The following RSPO1 variants were observed in gnomAD, a reference collection of about 807,000 sequenced individuals.
The protein encoded by RSPO1 is R-spondin-1.
A neutral mutation model predicts 26.0 loss-of-function variants in RSPO1; 18 were observed. The observed-to-expected ratio is 0.69, with a 90% confidence interval of 0.48 to 1.03. RSPO1 has a LOEUF of 1.03. Among genes scored for constraint, RSPO1 ranks in the 50% least tolerant of loss-of-function variants. RSPO1 has a pLI of 0.00. For missense variants in RSPO1, 309 were observed against 352.3 expected, an observed-to-expected ratio of 0.88 and a Z score of 0.98; for synonymous variants, 133 against 137.4, an observed-to-expected ratio of 0.97 and a Z score of 0.22.
At chr1:37,630,273 A>C (rs1644338438) in intron 2 of RSPO1, among the ~76,000 whole-genome samples, 1 of 152,152 alleles carries the variant, frequency 6.6e-6, no homozygotes, top group South Asian at 2.1e-4. Flanking sequence ...TCCTTCCTTA[A>C]GTCTACCCTA....
At chr1:37,628,986 T>C (rs1290043224) in intron 3 of RSPO1, among the ~76,000 whole-genome samples, 8 of 152,246 alleles carry the variant, frequency 5.3e-5, no homozygotes, top group African/African-American at 1.7e-4. Flanking sequence ...CCCTGCCTGC[T>C]TGTCTCCCCT....
chr1:37,628,381 G>C (rs1382242911), intron 3 of RSPO1, among the ~76,000 whole-genome samples: 2 of 152,210 alleles, frequency 1.3e-5, no homozygotes, highest in Non-Finnish European at 2.9e-5. Flanking sequence ...CCAATTCTCT[G>C]AGCTTCTCTC....
At chr1:37,627,814 T>C (rs996931176) in intron 3 of RSPO1, among the ~76,000 whole-genome samples, 2 of 152,182 alleles carry the variant, frequency 1.3e-5, no homozygotes, top group African/African-American at 2.4e-5. Flanking sequence ...CAGCACAACC[T>C]TCATCCCTCC....
intron 1 of RSPO1, among the ~76,000 whole-genome samples, chr1:37,632,594 G>A (rs188711200): frequency 2.0e-5 from 3 of 152,340 alleles, no homozygotes; most frequent in African/African-American, 7.2e-5. Flanking sequence ...AGCATATGCC[G>A]TTCAGCTCTG....
At chr1:37,633,741 G>A (rs748010880) in intron 1 of RSPO1, among the ~76,000 whole-genome samples, 3 of 152,254 alleles carry the variant, frequency 2.0e-5, no homozygotes, top group Non-Finnish European at 2.9e-5. Flanking sequence ...AGGTGCTGGG[G>A]CCGTGCCCCC....
At chr1:37,628,487 A>G (rs1644310719) in intron 3 of RSPO1, among the ~76,000 whole-genome samples, 1 of 152,210 alleles carries the variant, frequency 6.6e-6, no homozygotes, top group Non-Finnish European at 1.5e-5. Flanking sequence ...CTGCAGGGAA[A>G]CATGAAGCAA....
rs565963479 is a variant in RSPO1, at chr1:37,615,144, C to T, written c.287-811G>A. Reference sequence around the variant, plus strand: ...AGGAGCTGGTGTAGCCAGGAGCTCCCGACTTTAAGGACCATGAGGACCAAG... The same window carrying T: ...AGGAGCTGGTGTAGCCAGGAGCTCCTGACTTTAAGGACCATGAGGACCAAG... On this transcript the variant is annotated intron_variant, in intron 4 of 6. Transcript: ENST00000356545. Among the ~76,000 whole-genome samples the T allele has an allele frequency of 4.6e-5, 7 of 152,200 alleles. 1 individual carries two copies. In the South Asian group the frequency reaches 1.2e-3, roughly 27 times the overall value.
In RSPO1 at chr1:37,614,318, T is replaced by G; in HGVS notation, c.302A>C (p.His101Pro). The G allele has an allele frequency of 6.2e-7, 1 of 1,613,714 alleles. No individual in the cohort carries two copies. The highest frequency in any genetic ancestry group is 8.5e-7 in the Non-Finnish European group (1 of 1,180,038). ...GTTATGGCTGAAGCAGGCCTCACAGTGCTCGATCTTGCATTCTGAGGAGAG... is the reference window on the plus strand; with the variant it reads ...GTTATGGCTGAAGCAGGCCTCACAGGGCTCGATCTTGCATTCTGAGGAGAG... ...MNKCIKCKIE[H>P]CEACFSHNFC... Residue 101 changes from histidine (H) to proline (P), a missense_variant, in exon 5 of 7, where the codon CAC becomes CCC. Transcript: ENST00000356545.
chr1:37,621,313 G>A (rs1644199090), intron 3 of RSPO1, among the ~76,000 whole-genome samples: 1 of 152,184 alleles, frequency 6.6e-6, no homozygotes, highest in African/African-American at 2.4e-5. Flanking sequence ...TTTACAACAG[G>A]AGACACAGTC....
Position 37,629,568 on chromosome 1 carries a change from T to C in RSPO1, c.94A>G (p.Ile32Val). The C allele has an allele frequency of 3.1e-6, 5 of 1,614,022 alleles. No individual in the cohort carries two copies. Among genetic ancestry groups the C allele is most frequent in the Non-Finnish European group, 4.2e-6 (5 of 1,179,932 alleles). Residue 32 changes from isoleucine (I) to valine (V), a missense_variant and splice_region_variant, in exon 3 of 7, where the codon ATC becomes GTC. Physicochemically the swap from Ile to Val is conservative, Grantham distance 29 (BLOSUM62 3). Transcript: ENST00000356545. ...RGIKGKRQRR[I>V]SAEGSQACAK... ...TGGCCCACCATGCTCCATTACTCAC[T>C]CCGCCTCTGCCTTTTCCCCTTGATC... is the stretch of plus-strand genomic sequence containing the variant.
rs140664287 is a variant in RSPO1, at chr1:37,629,333, A to G, written c.94+235T>C. 2.4e-3 allele frequency among the ~76,000 whole-genome samples: 364 copies of G among 152,326 alleles called. 2 individuals are homozygous for G. The highest frequency in any genetic ancestry group is 8.3e-3 in the African/African-American group (344 of 41,568). On this transcript the variant is annotated intron_variant, in intron 3 of 6. Coordinates refer to ENST00000356545, the MANE Select transcript of RSPO1 (RefSeq NM_001242908.2). ...GTTAATCTAGAAAGCAGAGTCTACAAAGGGGAAAACAGACAAAGTGAGTCA... is the reference window on the plus strand; with the variant it reads ...GTTAATCTAGAAAGCAGAGTCTACAGAGGGGAAAACAGACAAAGTGAGTCA...
chr1:37,620,629 A>AAATAATAATAATAATAATAAT (rs56294873), intron 3 of RSPO1, among the ~76,000 whole-genome samples: 11 of 146,084 alleles, frequency 7.5e-5, no homozygotes, highest in African/African-American at 2.3e-4. Context: ...CTCTGTCTCA[A>AAATAATAATAATAATAATAAT]AATAATAATA....
intron 2 of RSPO1, among the ~76,000 whole-genome samples, chr1:37,631,092 C>T (rs1459145675): frequency 2.6e-5 from 4 of 152,168 alleles, no homozygotes; most frequent in African/African-American, 9.7e-5. Context: ...ACCCCCTGTC[C>T]TAATCCTTTC....
intron 3 of RSPO1, among the ~76,000 whole-genome samples, chr1:37,627,118 A>G (rs969508836): frequency 1.3e-5 from 2 of 152,148 alleles, no homozygotes; most frequent in African/African-American, 4.8e-5. Flanking sequence ...ATTTAGATTG[A>G]GTGGCTTCTG....
chr1:37,621,024 G>A (rs1355653403), intron 3 of RSPO1, among the ~76,000 whole-genome samples: 1 of 152,132 alleles, frequency 6.6e-6, no homozygotes, highest in Non-Finnish European at 1.5e-5. Context: ...TTAAGAACAG[G>A]TTTGCAAAAG....
intron 3 of RSPO1, among the ~76,000 whole-genome samples, chr1:37,620,553 C>T (rs1012403373): frequency 4.0e-5 from 6 of 151,878 alleles, no homozygotes; most frequent in African/African-American, 1.5e-4. Context: ...ATCACTTGAA[C>T]CCAGGAGGCA....
Position 37,614,265 on chromosome 1 carries a change from A to G in RSPO1, c.355T>C (p.Tyr119His). Residue 119 changes from tyrosine to histidine, a missense_variant, in exon 5 of 7, where the codon TAC becomes CAC. Coordinates refer to ENST00000356545, the MANE Select transcript of RSPO1 (RefSeq NM_001242908.2). Reference protein sequence around the residue: ...NFCTKCKEGLYLHKGRCYPAC... With the variant: ...NFCTKCKEGLHLHKGRCYPAC... ...GGATAGCAGCGGCCCTTGTGCAGGT[A>G]CAAGCCCTCCTTACACTTGGTGCAG... 6.2e-7 allele frequency: 1 copy of G among 1,613,884 alleles called. No individual in the cohort carries two copies. The highest frequency in any genetic ancestry group is 8.5e-7 in the Non-Finnish European group (1 of 1,180,040).
Position 37,614,091 on chromosome 1 carries a change from T to C in RSPO1, c.436+93A>G. The C allele has an allele frequency of 2.1e-6, 3 of 1,461,656 alleles. No homozygotes were observed. The South Asian group carries it at 3.6e-5, about 18-fold the overall frequency. 90.5% of individuals were successfully genotyped at this position (1,461,656 alleles called of 1,614,324 possible). A position where few individuals can be genotyped will look rare whatever the true frequency, so the allele number is the denominator to read the frequency against. On this transcript the variant is annotated intron_variant, in intron 5 of 6. Transcript: ENST00000356545. ...GGTAGGGTAAGCTCTCCCTGCACAG[T>C]GCCCCAGCCCACCCGCTCTCTTGCC... is the stretch of plus-strand genomic sequence containing the variant.
Position 37,613,928 on chromosome 1 carries a change from G to T in RSPO1, c.437-36C>A, listed in dbSNP as rs754691847. 31 of 1,605,760 alleles carry T rather than the reference G, an allele frequency of 1.9e-5. No individual in the cohort carries two copies. Among genetic ancestry groups the T allele is most frequent in the Non-Finnish European group, 2.2e-5 (26 of 1,172,914 alleles). On this transcript the variant is annotated intron_variant, in intron 5 of 6. Coordinates refer to ENST00000356545, the MANE Select transcript of RSPO1 (RefSeq NM_001242908.2). This position sits in a 1 kb window ranked among gnomAD's most constrained non-coding sequence, Gnocchi z 4.5. ...GAGAAGGGAAGGGAGAGAAGGACAA[G>T]GAGGAGGGGATCATGTCTCCTCCTC... is the stretch of plus-strand genomic sequence containing the variant.
Sources: gnomAD v4.1 joint callset for allele counts (sites outside exome capture counted in the v4.1 genomes callset) on GRCh38, gnomAD v4.1.1 for gene constraint, Gnocchi (gnomAD v3.1) non-coding constraint, MANE v1.5 for transcripts, NCBI Gene and HGNC (gene_info 2026-07-23, HGNC 2026-07-21) for gene names.